The following EBF2 variants were observed in gnomAD, a reference collection of about 807,000 sequenced individuals.
EBF2 encodes the protein transcription factor COE2.
In EBF2, 21 loss-of-function variants were observed where a neutral mutation model predicts 72.8. The observed-to-expected ratio is 0.29, with a 90% confidence interval of 0.20 to 0.42. The LOEUF (loss-of-function observed/expected upper bound fraction) is 0.42. Ranked by LOEUF, EBF2 falls within the 10% of genes least tolerant of loss-of-function variation. EBF2 has a pLI of 1.00. For missense variants in EBF2, 637 were observed against 731.2 expected (o/e 0.87, Z 1.49); for synonymous variants, 299 against 274.2 (o/e 1.09, Z -0.89).
chr8:25,850,730 G>A lies in EBF2; in HGVS notation c.1560C>T (p.Ser520=), dbSNP rs1011309134. 3.2e-6 allele frequency: 5 copies of A among 1,562,720 alleles called. No individual in the cohort carries two copies. The highest frequency in any genetic ancestry group is 2.1e-5 in the Admixed American group (1 of 47,878). The change falls in exon 15 of 16, where the codon TCC becomes TCT. Residue 520 remains serine (S), a synonymous_variant. Coordinates refer to ENST00000520164, the MANE Select transcript of EBF2 (RefSeq NM_022659.4). The stretch of plus-strand genomic sequence containing the variant: ...AAAATGGGAGGATGGAGGATGTGCT[G>A]GAAGACCCAACGGTGGGACTTGATG... ...IMSSSPTVGS[S]STSSILPFSS... is the part of the protein sequence containing the mutation.
intron 7 of EBF2, among the ~76,000 whole-genome samples, chr8:25,891,207 G>C (rs1490863091): frequency 6.6e-6 from 1 of 152,156 alleles, no homozygotes; most frequent in East Asian, 1.9e-4. Context: ...CTGCAGATCA[G>C]GGGTGGGGGA....
intron 6 of EBF2, among the ~76,000 whole-genome samples, chr8:25,926,100 G>A (rs1803381443): frequency 6.6e-6 from 1 of 152,114 alleles, no homozygotes; most frequent in Non-Finnish European, 1.5e-5. Context: ...GGGCTTAAGG[G>A]AACTAGAGAA....
chr8:25,860,185 T>C (rs1280547550), intron 13 of EBF2, among the ~76,000 whole-genome samples: 1 of 152,010 alleles, frequency 6.6e-6, no homozygotes, highest in East Asian at 1.9e-4. Context: ...CAATAATCAA[T>C]CTCAATGCAA....
At chr8:26,012,896 C>T (rs1051704283) in intron 6 of EBF2, among the ~76,000 whole-genome samples, 3 of 152,150 alleles carry the variant, frequency 2.0e-5, no homozygotes, top group African/African-American at 7.2e-5. Context: ...AAATACTCAT[C>T]GATACCTACT....
chr8:25,845,653 G>A (rs1287950313), intron 15 of EBF2, among the ~76,000 whole-genome samples: 2 of 152,160 alleles, frequency 1.3e-5, no homozygotes, highest in Non-Finnish European at 2.9e-5. Flanking sequence ...CCTAGATGTG[G>A]CAAATAAAGC....
intron 15 of EBF2, among the ~76,000 whole-genome samples, chr8:25,849,003 T>C (rs1385609370): frequency 6.6e-6 from 1 of 152,186 alleles, no homozygotes; most frequent in Non-Finnish European, 1.5e-5. Context: ...TCCCTAAGGA[T>C]GGGATGGAAA....
At chr8:25,886,645 A>G in intron 10 of EBF2, 110 bp downstream of exon 10, 2 of 1,283,166 alleles carry the variant, frequency 1.6e-6, no homozygotes, top group East Asian at 2.5e-5. Flanking sequence ...CTCTTTCCAC[A>G]CTAGTAAAAA....
At chr8:25,976,784 C>T (rs894883108) in intron 6 of EBF2, among the ~76,000 whole-genome samples, 6 of 152,154 alleles carry the variant, frequency 3.9e-5, no homozygotes, top group African/African-American at 1.2e-4. Context: ...GGCCTTTTCC[C>T]GGTAAACATG....
chr8:25,999,596 T>C (rs1035343136), intron 6 of EBF2, among the ~76,000 whole-genome samples: 3 of 151,978 alleles, frequency 2.0e-5, no homozygotes, highest in African/African-American at 4.8e-5. Context: ...CTACATGTCT[T>C]CTGCTTTCTT....
rs1301397296 is a variant in EBF2 at position 26,044,756 on chromosome 8, A to G, written c.104T>C (p.Val35Ala). The G allele has an allele frequency of 8.7e-6, 14 of 1,613,832 alleles. No homozygotes were observed. Among genetic ancestry groups the G allele is most frequent in the Non-Finnish European group, 1.2e-5 (14 of 1,179,952 alleles). The change falls in exon 1 of 16, where the codon GTG (valine) becomes GCG (alanine). Residue 35 changes from valine to alanine, a missense_variant. By Grantham distance (64) the Val-to-Ala change is moderately conservative. Transcript: ENST00000520164. The surrounding 1 kb of genome is among the most constrained non-coding windows in gnomAD (Gnocchi z 4.1). Reference protein sequence around the residue: ...SVRSWVRNVGVVDANVAAQSG... With the variant: ...SVRSWVRNVGAVDANVAAQSG... ...CTGCGCGGCGACATTAGCGTCCACC[A>G]CTCCGACATTCCGGACCCAGGACCT...
chr8:25,920,200 A>G (rs1465505216), intron 6 of EBF2, among the ~76,000 whole-genome samples: 1 of 152,228 alleles, frequency 6.6e-6, no homozygotes, highest in Non-Finnish European at 1.5e-5. Context: ...TTCAGGAAAA[A>G]TCATTTGAAA....
intron 15 of EBF2, among the ~76,000 whole-genome samples, chr8:25,849,642 C>T (rs917102513): frequency 1.1e-5 from 1 of 90,622 alleles, no homozygotes; most frequent in African/African-American, 8.1e-5. Context: ...TTCCAATGTG[C>T]TCTTTTGCTG....
chr8:25,997,078 G>C (rs1804645263), intron 6 of EBF2, among the ~76,000 whole-genome samples: 2 of 152,066 alleles, frequency 1.3e-5, no homozygotes. Flanking sequence ...CATGGAGATG[G>C]GTCACCATGC....
chr8:25,975,918 T>TA (rs1804261352), intron 6 of EBF2, among the ~76,000 whole-genome samples: 1 of 152,126 alleles, frequency 6.6e-6, no homozygotes. Context: ...AAAGAAAAGT[T>TA]AAAAATTACA....
intron 10 of EBF2, among the ~76,000 whole-genome samples, chr8:25,871,375 G>A (rs1009658393): frequency 6.6e-6 from 1 of 152,146 alleles, no homozygotes; most frequent in African/African-American, 2.4e-5. Flanking sequence ...CCAACCTTTT[G>A]GCTGACAGGG....
intron 6 of EBF2, among the ~76,000 whole-genome samples, chr8:25,918,968 G>A (rs1485410670): frequency 6.6e-6 from 1 of 152,132 alleles, no homozygotes; most frequent in Non-Finnish European, 1.5e-5. Flanking sequence ...GTGCTTATAA[G>A]CTCCTTTGAT....
chr8:26,040,972 T>C lies in EBF2; in HGVS notation c.319A>G (p.Thr107Ala). ...EQGNEKTNNGTHYKLQLLYSN... is the reference protein window; with the variant it reads ...EQGNEKTNNGAHYKLQLLYSN... ...TAGAGGAGCTGTAACTTGTAGTGAGTGCCGTTGTTGGTCTTCTCGTTGCCT... is the reference window on the plus strand; with the variant it reads ...TAGAGGAGCTGTAACTTGTAGTGAGCGCCGTTGTTGGTCTTCTCGTTGCCT... Residue 107 changes from threonine (T) to alanine (A), a missense_variant, in exon 3 of 16, where the codon ACT becomes GCT. Around this residue, in one of 3 missense-constraint regions of EBF2, gnomAD observed 174 missense variants for 161.9 expected, o/e 1.07. Coordinates refer to ENST00000520164, the MANE Select transcript of EBF2 (RefSeq NM_022659.4). The C allele has an allele frequency of 6.2e-7, 1 of 1,614,158 alleles. No individual in the cohort carries two copies. Among genetic ancestry groups the C allele is most frequent in the South Asian group, 1.1e-5 (1 of 91,072 alleles).
intron 6 of EBF2, among the ~76,000 whole-genome samples, chr8:25,952,427 T>TA (rs1428114023): frequency 6.6e-6 from 1 of 152,156 alleles, no homozygotes; most frequent in Non-Finnish European, 1.5e-5. Context: ...TAAATAAAAA[T>TA]AATGTATAAA....
intron 6 of EBF2, among the ~76,000 whole-genome samples, chr8:25,972,624 C>A (rs1287229005): frequency 6.6e-6 from 1 of 152,092 alleles, no homozygotes; most frequent in African/African-American, 2.4e-5. Context: ...TACAGACCAA[C>A]AAAAGGGAGT....
Sources: allele counts gnomAD v4.1 joint callset (sites outside exome capture counted in the v4.1 genomes callset), GRCh38; gene constraint gnomAD v4.1.1; regional missense constraint gnomAD v4.1.1; non-coding constraint Gnocchi (gnomAD v3.1); transcripts MANE v1.5; gene names NCBI Gene and HGNC (gene_info 2026-07-23, HGNC 2026-07-21).